The following LRMDA variants were observed in gnomAD, a reference collection of about 807,000 sequenced individuals.
LRMDA encodes the protein leucine-rich melanocyte differentiation-associated protein.
LRMDA carries 18 observed loss-of-function variants against 29.8 expected under a neutral mutation model. The ratio of observed to expected loss-of-function variants is 0.60; its 90% CI spans 0.42 to 0.90. The LOEUF (loss-of-function observed/expected upper bound fraction) is 0.90, where lower values mean the gene tolerates loss of function less well. Among genes scored for constraint, LRMDA ranks in the 40% least tolerant of loss-of-function variants. The pLI, the probability that LRMDA is intolerant of heterozygous loss-of-function variation, is 0.00. For synonymous variants in LRMDA, 125 were observed against 109.4 expected (o/e 1.14, Z -0.89); for missense variants, 273 against 273.9 (o/e 1.00, Z 0.02).
intron 2 of LRMDA, among the ~76,000 whole-genome samples, chr10:75,795,512 T>C (rs11001499): frequency 0.39 from 58,990 of 152,124 alleles, 13,018 homozygotes; most frequent in South Asian, 0.54. Flanking sequence ...CATTCAATTA[T>C]TTTGGAAACT....
chr10:76,093,872 C>T (rs1849272071), intron 5 of LRMDA, among the ~76,000 whole-genome samples: 1 of 152,164 alleles, frequency 6.6e-6, no homozygotes, highest in Admixed American at 6.5e-5. Context: ...GCTGTGTTAC[C>T]TTCTCATTAA....
chr10:76,090,950 G>A lies in LRMDA; in HGVS notation c.516+32167G>A, dbSNP rs112496705. 5.5e-3 allele frequency among the ~76,000 whole-genome samples: 837 copies of A among 152,258 alleles called. 13 individuals carry two copies. The highest frequency in any genetic ancestry group is 0.019 in the African/African-American group (782 of 41,536). On this transcript the variant is annotated intron_variant, in intron 5 of 6. Coordinates refer to ENST00000611255, the MANE Select transcript of LRMDA (RefSeq NM_001305581.2). ...ATGTGAATGTATTTACCACTACTGA[G>A]CTATATATTTAGAAATGGTTAAGAT...
intron 6 of LRMDA, among the ~76,000 whole-genome samples, chr10:76,439,273 A>G (rs949634206): frequency 1.3e-5 from 2 of 152,138 alleles, no homozygotes; most frequent in African/African-American, 2.4e-5. Flanking sequence ...AATTTCAGGG[A>G]AGGTTTTATG....
intron 5 of LRMDA, among the ~76,000 whole-genome samples, chr10:76,128,199 A>T (rs556599922): frequency 6.6e-6 from 1 of 152,316 alleles, no homozygotes; most frequent in African/African-American, 2.4e-5. Context: ...AGGTCGGGAA[A>T]AGCGGGTTCT....
chr10:76,048,026 C>T (rs1848469484), intron 4 of LRMDA, among the ~76,000 whole-genome samples: 1 of 152,124 alleles, frequency 6.6e-6, no homozygotes, highest in Non-Finnish European at 1.5e-5. Context: ...CCTAATTTTC[C>T]TTCTTCATTT....
chr10:75,940,899 T>C (rs960651541), intron 2 of LRMDA, among the ~76,000 whole-genome samples: 20 of 152,124 alleles, frequency 1.3e-4, no homozygotes, highest in African/African-American at 4.8e-4. Context: ...GCTATTTCAC[T>C]GAGTGGGTTT....
intron 5 of LRMDA, among the ~76,000 whole-genome samples, chr10:76,124,811 C>T (rs1849850933): frequency 1.3e-5 from 2 of 152,240 alleles, no homozygotes; most frequent in South Asian, 4.1e-4. Context: ...AACTTCCATG[C>T]TTTGCCAGCC....
At chr10:75,741,894 G>A (rs1763083263) in intron 2 of LRMDA, among the ~76,000 whole-genome samples, 1 of 152,134 alleles carries the variant, frequency 6.6e-6, no homozygotes, top group Admixed American at 6.5e-5. Context: ...AGGTCATAAG[G>A]GTGGAGCTCT....
chr10:76,390,516 A>C (rs1008811750), intron 6 of LRMDA, among the ~76,000 whole-genome samples: 8 of 152,112 alleles, frequency 5.3e-5, no homozygotes, highest in Non-Finnish European at 5.9e-5. Context: ...AAAAAAAAAA[A>C]AACAAGAAAA....
chr10:75,570,101 C>T (rs1012308313), intron 2 of LRMDA, among the ~76,000 whole-genome samples: 4 of 152,164 alleles, frequency 2.6e-5, no homozygotes, highest in African/African-American at 9.7e-5. Flanking sequence ...AGCTGGAACA[C>T]CAATGAGGAA....
chr10:76,314,176 A>G (rs1189877095), intron 5 of LRMDA, among the ~76,000 whole-genome samples: 1 of 152,222 alleles, frequency 6.6e-6, no homozygotes, highest in South Asian at 2.1e-4. Flanking sequence ...ATATTTAGCC[A>G]AAGAGGTATG....
At chr10:76,338,520 G>A (rs1023811002) in intron 6 of LRMDA, among the ~76,000 whole-genome samples, 2 of 152,116 alleles carry the variant, frequency 1.3e-5, no homozygotes, top group African/African-American at 4.8e-5. Context: ...GGGTCACATT[G>A]TCTGTATACT....
rs199944441 is a variant in LRMDA, at chr10:75,963,846, A to G, written c.132-72162A>G. On this transcript the variant is annotated intron_variant, in intron 2 of 6. Transcript: ENST00000611255. ...TTGAAATTTTTGTCCAGTTCAGATTAAAGACAACTTTATTATTACCATTAA... is the reference window on the plus strand; with the variant it reads ...TTGAAATTTTTGTCCAGTTCAGATTGAAGACAACTTTATTATTACCATTAA... Among the ~76,000 whole-genome samples the G allele has an allele frequency of 2.0e-5, 3 of 152,354 alleles. No individual in the cohort carries two copies. In the East Asian group the frequency reaches 5.8e-4, roughly 29 times the overall value.
At chr10:75,513,808 A>C (rs1845256445) in intron 2 of LRMDA, among the ~76,000 whole-genome samples, 1 of 152,168 alleles carries the variant, frequency 6.6e-6, no homozygotes, top group Non-Finnish European at 1.5e-5. Flanking sequence ...TGGGTAATCC[A>C]GGACACTCTC....
intron 2 of LRMDA, among the ~76,000 whole-genome samples, chr10:75,533,105 G>C (rs934103167): frequency 4.6e-5 from 7 of 152,170 alleles, no homozygotes; most frequent in Non-Finnish European, 5.9e-5. Context: ...ATTTTGAAAA[G>C]CATATCCTAG....
intron 2 of LRMDA, among the ~76,000 whole-genome samples, chr10:75,983,422 G>A (rs1847208310): frequency 6.6e-6 from 1 of 152,168 alleles, no homozygotes; most frequent in African/African-American, 2.4e-5. Flanking sequence ...GGGGTTCTGT[G>A]AGGGAGAGGT....
chr10:76,053,102 G>A (rs1848556693), intron 4 of LRMDA, among the ~76,000 whole-genome samples: 2 of 152,116 alleles, frequency 1.3e-5, no homozygotes, highest in African/African-American at 4.8e-5. Flanking sequence ...TTCAACCATT[G>A]CTGTTTGATA....
At chr10:75,973,821 G>A (rs985436945) in intron 2 of LRMDA, among the ~76,000 whole-genome samples, 1 of 152,130 alleles carries the variant, frequency 6.6e-6, no homozygotes, top group Non-Finnish European at 1.5e-5. Context: ...AAGTACCCCA[G>A]GAGGTGGAGG....
In LRMDA at chr10:76,367,866, G is replaced by C. The variant is rs144290787; in HGVS notation, c.601+43381G>C. On this transcript the variant is annotated intron_variant, in intron 6 of 6. Coordinates refer to ENST00000611255, the MANE Select transcript of LRMDA (RefSeq NM_001305581.2). ...TTTTCCAGGAATTTATCCATCTCTT[G>C]TAGGTTTTCCTTTATGTACATAAAG... Among the ~76,000 whole-genome samples, 473 of 152,188 alleles carry C rather than the reference G, an allele frequency of 3.1e-3. 4 individuals are homozygous for C. The highest frequency in any genetic ancestry group is 0.011 in the African/African-American group (443 of 41,534).
Sources: gnomAD v4.1 joint callset for allele counts (sites outside exome capture counted in the v4.1 genomes callset) on GRCh38, gnomAD v4.1.1 for gene constraint, MANE v1.5 for transcripts, NCBI Gene and HGNC (gene_info 2026-07-23, HGNC 2026-07-21) for gene names.